ARID4B: variants seen among roughly 807,000 people sequenced by gnomAD.
ARID4B encodes the protein AT-rich interaction domain 4B.
A neutral mutation model predicts 147.5 loss-of-function variants in ARID4B; 26 were observed. That is an observed-to-expected ratio of 0.18 (90% CI 0.13 to 0.24). ARID4B has a LOEUF of 0.24. Ranked by LOEUF, ARID4B falls within the 10% of genes least tolerant of loss-of-function variation. The pLI, the probability that ARID4B is intolerant of heterozygous loss-of-function variation, is 1.00. For missense variants in ARID4B, 1,179 were observed against 1,511.5 expected (o/e 0.78, Z 3.65); for synonymous variants, 512 against 507.9 (o/e 1.01, Z -0.11).
intron 2 of ARID4B, among the ~76,000 whole-genome samples, chr1:235,272,870 T>A (rs1469581803): frequency 6.6e-6 from 1 of 152,100 alleles, no homozygotes; most frequent in African/African-American, 2.4e-5. Context: ...AACAATCAGA[T>A]CACGTAGAAA....
intron 2 of ARID4B, among the ~76,000 whole-genome samples, chr1:235,287,996 TCC>T (rs1672096385): frequency 6.6e-6 from 1 of 152,174 alleles, no homozygotes; most frequent in Non-Finnish European, 1.5e-5. Context: ...GAGCATATTA[TCC>T]TTGTAAAAAT....
At chr1:235,185,680 T>C (rs1664624173) in intron 19 of ARID4B, among the ~76,000 whole-genome samples, 3 of 152,212 alleles carry the variant, frequency 2.0e-5, no homozygotes, top group Admixed American at 1.3e-4. Context: ...AATACATCCT[T>C]ACCCTCAAAC....
chr1:235,207,095 G>A (rs1431326422), intron 17 of ARID4B, among the ~76,000 whole-genome samples: 2 of 152,210 alleles, frequency 1.3e-5, no homozygotes, highest in African/African-American at 4.8e-5. Context: ...CACAGAGAAT[G>A]TGGCAGCAAA....
At chr1:235,318,033 A>G (rs1343229206) in intron 2 of ARID4B, among the ~76,000 whole-genome samples, 2 of 152,202 alleles carry the variant, frequency 1.3e-5, no homozygotes, top group Non-Finnish European at 2.9e-5. Flanking sequence ...TCATAGCAGC[A>G]TTACTCACAA....
chr1:235,254,204 A>G (rs921459083), intron 5 of ARID4B, among the ~76,000 whole-genome samples: 4 of 152,084 alleles, frequency 2.6e-5, no homozygotes, highest in Non-Finnish European at 5.9e-5. Flanking sequence ...TATTTTCACC[A>G]GGTTTTATTC....
At chr1:235,286,061 T>TTTTGTTTTG (rs1040785447) in intron 2 of ARID4B, among the ~76,000 whole-genome samples, 19 of 103,706 alleles carry the variant, frequency 1.8e-4, no homozygotes, top group African/African-American at 1.0e-3. Context: ...TTTTGTTTTG[T>TTTTGTTTTG]TTTGAGATAG....
chr1:235,319,107 A>AG (rs1674641411), intron 2 of ARID4B, among the ~76,000 whole-genome samples: 1 of 152,232 alleles, frequency 6.6e-6, no homozygotes, highest in South Asian at 2.1e-4. Flanking sequence ...TAGGTAACAC[A>AG]GCAAGACCTC....
At chr1:235,220,229 A>G in intron 15 of ARID4B, 73 bp downstream of exon 15, 1 of 1,352,958 alleles carries the variant, frequency 7.4e-7, no homozygotes, top group Admixed American at 2.4e-5. Flanking sequence ...CAATATATTG[A>G]TTTTGGAACT....
chr1:235,240,125 G>C (rs942431754), intron 8 of ARID4B, among the ~76,000 whole-genome samples, 188 bp downstream of exon 8: 7 of 152,048 alleles, frequency 4.6e-5, no homozygotes, highest in Non-Finnish European at 7.4e-5. Context: ...TCAAGATTTT[G>C]CCTTTCCTGA....
intron 2 of ARID4B, among the ~76,000 whole-genome samples, chr1:235,307,529 T>C (rs1673662817): frequency 6.6e-6 from 1 of 151,686 alleles, no homozygotes; most frequent in African/African-American, 2.4e-5. Flanking sequence ...TAAGAGAAGG[T>C]TGACTGTTCT....
At position 235,188,967 on chromosome 1, in the gene ARID4B, T is replaced by A. The variant is rs562679273; in HGVS notation, c.2125+5046A>T. On this transcript the variant is annotated intron_variant, in intron 19 of 23. Transcript: ENST00000264183. Reference sequence around the variant, plus strand: ...CAGAAAAAAGCAAATTAGAGGTAACTGAAAAAACCAAAAATTATAAAATCC... The same window carrying A: ...CAGAAAAAAGCAAATTAGAGGTAACAGAAAAAACCAAAAATTATAAAATCC... 3.9e-5 allele frequency among the ~76,000 whole-genome samples: 6 copies of A among 151,976 alleles called. No homozygotes were observed. In the South Asian group the frequency reaches 1.0e-3, roughly 26 times the overall value.
At chr1:235,302,166 A>AAAAAC (rs1673203640) in intron 2 of ARID4B, among the ~76,000 whole-genome samples, 1 of 146,438 alleles carries the variant, frequency 6.8e-6, no homozygotes, top group African/African-American at 2.5e-5. Flanking sequence ...AAAAAAAAAA[A>AAAAAC]AAAAAAAAAA....
intron 20 of ARID4B, among the ~76,000 whole-genome samples, chr1:235,178,582 T>C (rs760119040): frequency 3.9e-5 from 6 of 152,178 alleles, no homozygotes; most frequent in Non-Finnish European, 8.8e-5. Context: ...ACATCTTCAC[T>C]AAGATGTTCC....
chr1:235,247,350 A>T (rs993952310), intron 6 of ARID4B, among the ~76,000 whole-genome samples: 1 of 152,236 alleles, frequency 6.6e-6, no homozygotes, highest in Admixed American at 6.5e-5. Context: ...CTAATGTAAT[A>T]TGTAAAAAGA....
chr1:235,221,187 C>T (rs775643467), intron 14 of ARID4B, among the ~76,000 whole-genome samples: 9 of 152,206 alleles, frequency 5.9e-5, no homozygotes, highest in African/African-American at 1.9e-4. Flanking sequence ...CATGAGCCAC[C>T]GTGCCTGGCC....
chr1:235,272,592 A>AG (rs1261393508), intron 2 of ARID4B, among the ~76,000 whole-genome samples: 1 of 152,138 alleles, frequency 6.6e-6, no homozygotes, highest in Non-Finnish European at 1.5e-5. Flanking sequence ...ATAACTTACT[A>AG]GATCCATCAT....
intron 19 of ARID4B, among the ~76,000 whole-genome samples, chr1:235,185,993 C>CT (rs1344934713): frequency 6.8e-6 from 1 of 146,020 alleles, no homozygotes; most frequent in Non-Finnish European, 1.5e-5. Flanking sequence ...TTTTTTGAGA[C>CT]TGAGTCTTGC....
At chr1:235,267,667 C>T (rs1168428651) in intron 2 of ARID4B, among the ~76,000 whole-genome samples, 2 of 152,158 alleles carry the variant, frequency 1.3e-5, no homozygotes, top group Admixed American at 1.3e-4. Flanking sequence ...CCCGTCTCTA[C>T]TAAAAATATA....
intron 2 of ARID4B, among the ~76,000 whole-genome samples, chr1:235,306,248 C>T (rs529669023): frequency 1.3e-5 from 2 of 152,022 alleles, no homozygotes; most frequent in Non-Finnish European, 2.9e-5. Context: ...TGGCTGGGCA[C>T]GGTGGCTCAC....
Sources: allele counts gnomAD v4.1 joint callset (sites outside exome capture counted in the v4.1 genomes callset), GRCh38; gene constraint gnomAD v4.1.1; transcripts MANE v1.5; gene names NCBI Gene and HGNC (gene_info 2026-07-23, HGNC 2026-07-21).